TMEM196: variants seen among roughly 807,000 people sequenced by gnomAD.
TMEM196 encodes transmembrane protein 196.
Under a neutral mutation model 20.0 loss-of-function variants are expected in TMEM196, and 17 were observed. That is an observed-to-expected ratio of 0.85 (90% confidence interval 0.58 to 1.27). TMEM196 has a LOEUF of 1.27. Among genes scored for constraint, TMEM196 ranks in the 50% most tolerant of loss-of-function variants. The pLI is 0.00. For synonymous variants in TMEM196, 113 were observed against 88.9 expected (o/e 1.27, Z -1.52); for missense variants, 267 against 223.0 (o/e 1.20, Z -1.26).
chr7:19,732,062 G>T (rs1208514161), intron 1 of TMEM196, among the ~76,000 whole-genome samples: 1 of 152,118 alleles, frequency 6.6e-6, no homozygotes, highest in African/African-American at 2.4e-5. Flanking sequence ...GGCCCCCAAA[G>T]TAGTAAATTG....
chr7:19,751,303 C>T (rs1784951579), intron 1 of TMEM196, among the ~76,000 whole-genome samples: 1 of 152,206 alleles, frequency 6.6e-6, no homozygotes, highest in Admixed American at 6.5e-5. Context: ...TGCTCCAGGA[C>T]ATTTTTCATT....
At position 19,725,456 on chromosome 7, in the gene TMEM196, G is replaced by C. The variant is rs1162455367; in HGVS notation, c.459+58C>G. The C allele has an allele frequency of 2.6e-6, 4 of 1,538,422 alleles. No homozygotes were observed. In the East Asian group the frequency reaches 6.9e-5, roughly 26 times the overall value. ...CTAAAGTTTCAAGTTGATTCACCCA[G>C]AGTGGACTTCAGTCTTCATCATGTG... On this transcript the variant is annotated intron_variant, in intron 3 of 4. Coordinates refer to ENST00000405844, the MANE Select transcript of TMEM196 (RefSeq NM_001363562.2).
chr7:19,738,392 T>C (rs951293970), intron 1 of TMEM196, among the ~76,000 whole-genome samples: 5 of 152,104 alleles, frequency 3.3e-5, no homozygotes, highest in African/African-American at 1.2e-4. Context: ...ACTATTTATA[T>C]AGATGTCTAT....
chr7:19,742,575 A>G (rs979155274), intron 1 of TMEM196, among the ~76,000 whole-genome samples: 25 of 152,166 alleles, frequency 1.6e-4, no homozygotes, highest in African/African-American at 5.8e-4. Context: ...ATGTGCATCT[A>G]TCCAGTGTCA....
rs1261889701 is a variant in TMEM196 at position 19,720,754 on chromosome 7, G to A, written c.*1374C>T. 6.6e-6 allele frequency: 1 copy of A among 151,748 alleles called. No individual in the cohort carries two copies. Among genetic ancestry groups the A allele is most frequent in the Non-Finnish European group, 1.5e-5 (1 of 67,750 alleles). 9.4% of individuals were successfully genotyped at this position (151,748 alleles called of 1,614,324 possible). On this transcript the variant is annotated 3_prime_UTR_variant, in exon 5 of 5. Coordinates refer to ENST00000405844, the MANE Select transcript of TMEM196 (RefSeq NM_001363562.2). Reference sequence around the variant, plus strand: ...CTTTTTCCTCAAAGAATTCTTTCAGGATCTTTGGATATAGGCTTTCTTATA... The same window carrying A: ...CTTTTTCCTCAAAGAATTCTTTCAGAATCTTTGGATATAGGCTTTCTTATA...
intron 1 of TMEM196, among the ~76,000 whole-genome samples, chr7:19,757,138 A>G (rs962892783): frequency 6.6e-6 from 1 of 151,010 alleles, no homozygotes; most frequent in Non-Finnish European, 1.5e-5. Flanking sequence ...CTATAGTGTA[A>G]TATCCCCAAA....
chr7:19,724,280 C>T lies in TMEM196; in HGVS notation c.533G>A (p.Arg178Lys). Residue 178 changes from arginine (R) to lysine (K), a missense_variant and splice_region_variant, in exon 4 of 5, where the codon AGG becomes AAG. Physicochemically the swap from Arg to Lys is conservative, Grantham distance 26. Coordinates refer to ENST00000405844, the MANE Select transcript of TMEM196 (RefSeq NM_001363562.2). ...GGTAACTCCCTAGAAATCAGCGTAC[C>T]TTGTAGGTAACTCTGGTGTCGGGGG... ...VVPPTPELPT[R>K]K 1.9e-6 allele frequency: 3 copies of T among 1,550,318 alleles called. No homozygotes were observed. Among genetic ancestry groups the T allele is most frequent in the Non-Finnish European group, 2.6e-6 (3 of 1,146,840 alleles).
At chr7:19,752,137 G>T (rs1051205798) in intron 1 of TMEM196, among the ~76,000 whole-genome samples, 1 of 152,192 alleles carries the variant, frequency 6.6e-6, no homozygotes, top group African/African-American at 2.4e-5. Flanking sequence ...TAAGATGTTG[G>T]TCATCATAAA....
chr7:19,750,270 A>G (rs1183176891), intron 1 of TMEM196, among the ~76,000 whole-genome samples: 1 of 152,220 alleles, frequency 6.6e-6, no homozygotes, highest in Non-Finnish European at 1.5e-5. Context: ...AGTGATGGAT[A>G]TCTTACTTAG....
At chr7:19,758,338 C>A (rs1460107492) in intron 1 of TMEM196, among the ~76,000 whole-genome samples, 1 of 152,112 alleles carries the variant, frequency 6.6e-6, no homozygotes, top group African/African-American at 2.4e-5. Context: ...CAGGTAGAAA[C>A]CTCTGAAATC....
At position 19,773,150 on chromosome 7, in the gene TMEM196, T is replaced by G. The variant is rs1277268203; in HGVS notation, c.-454A>C. On this transcript the variant is annotated 5_prime_UTR_variant, in exon 1 of 5. Coordinates refer to ENST00000405844, the MANE Select transcript of TMEM196 (RefSeq NM_001363562.2). ...CTGTTTTATTGCCGAGGAGAGGAGC[T>G]TTGCTTCCCGGAGATCCAAAGGGAA... 6.5e-6 allele frequency: 1 copy of G among 154,082 alleles called. No individual in the cohort carries two copies. Among genetic ancestry groups the G allele is most frequent in the Non-Finnish European group, 1.4e-5 (1 of 69,420 alleles). 9.5% of individuals were successfully genotyped at this position (154,082 alleles called of 1,614,324 possible).
intron 1 of TMEM196, among the ~76,000 whole-genome samples, chr7:19,767,935 A>G (rs1391144835): frequency 1.3e-5 from 2 of 152,080 alleles, no homozygotes; most frequent in African/African-American, 4.8e-5. Flanking sequence ...TATGATTTAT[A>G]TACAGCATCT....
Position 19,721,999 on chromosome 7 carries a change from G to T in TMEM196, c.*129C>A. 1 of 1,279,718 alleles carries T rather than the reference G, an allele frequency of 7.8e-7. No individual in the cohort carries two copies. The highest frequency in any genetic ancestry group is 1.3e-5 in the South Asian group (1 of 77,692). 79.3% of individuals were successfully genotyped at this position (1,279,718 alleles called of 1,614,324 possible). On this transcript the variant is annotated 3_prime_UTR_variant, in exon 5 of 5. Transcript: ENST00000405844. ...AGAGATAAATGCAAATGCAAAAACTGTTTTATTTTCTAGTCCTTTGGTGTC... is the reference window on the plus strand; with the variant it reads ...AGAGATAAATGCAAATGCAAAAACTTTTTTATTTTCTAGTCCTTTGGTGTC...
At chr7:19,727,113 G>A (rs964838865) in intron 2 of TMEM196, among the ~76,000 whole-genome samples, 4 of 152,228 alleles carry the variant, frequency 2.6e-5, no homozygotes, top group South Asian at 4.2e-4. Context: ...ATTGACGGTT[G>A]AGTTTAGCCT....
chr7:19,772,728 G>C lies in TMEM196; in HGVS notation c.-32C>G, dbSNP rs1455813451. ...TCGGTCATCTTCCTTCCAGATCAGAGAGGGAAATCAACCATCTACCTTTTT... is the reference window on the plus strand; with the variant it reads ...TCGGTCATCTTCCTTCCAGATCAGACAGGGAAATCAACCATCTACCTTTTT... On this transcript the variant is annotated 5_prime_UTR_variant, in exon 1 of 5. Coordinates refer to ENST00000405844, the MANE Select transcript of TMEM196 (RefSeq NM_001363562.2). The C allele has an allele frequency of 6.9e-7, 1 of 1,454,176 alleles. No individual in the cohort carries two copies. The highest frequency in any genetic ancestry group is 1.4e-5 in the African/African-American group (1 of 69,680). The allele number at this position is 1,454,176 out of a possible 1,614,324, so 90.1% of individuals were successfully genotyped here. A position where few individuals can be genotyped will look rare whatever the true frequency, so the allele number is the denominator to read the frequency against.
intron 1 of TMEM196, among the ~76,000 whole-genome samples, chr7:19,743,121 C>A (rs969038551): frequency 1.3e-5 from 2 of 152,094 alleles, no homozygotes; most frequent in African/African-American, 4.8e-5. Flanking sequence ...CTCATTTCCC[C>A]CATCAAAGAA....
chr7:19,743,227 T>C (rs1583435930), intron 1 of TMEM196, among the ~76,000 whole-genome samples: 2 of 152,254 alleles, frequency 1.3e-5, no homozygotes, highest in East Asian at 1.9e-4. Flanking sequence ...ACTACCTGGA[T>C]TGAAGGGAAG....
intron 1 of TMEM196, among the ~76,000 whole-genome samples, chr7:19,742,229 A>G (rs1346647785): frequency 6.6e-6 from 1 of 152,168 alleles, no homozygotes; most frequent in Non-Finnish European, 1.5e-5. Flanking sequence ...TTAACCCATC[A>G]GGTACTATAC....
Position 19,751,263 on chromosome 7 carries a change from G to C in TMEM196, c.147+21287C>G, listed in dbSNP as rs141579989. 2.3e-3 allele frequency among the ~76,000 whole-genome samples: 351 copies of C among 152,328 alleles called. 1 individual carries two copies. The highest frequency in any genetic ancestry group is 8.0e-3 in the African/African-American group (333 of 41,566). On this transcript the variant is annotated intron_variant, in intron 1 of 4. Transcript: ENST00000405844. ...AATGGCTTTTCACGTTGAGCTGCTA[G>C]TTTCTGAAGCACTAGTGGAACCGTA...
Sources: allele counts gnomAD v4.1 joint callset (sites outside exome capture counted in the v4.1 genomes callset), GRCh38; gene constraint gnomAD v4.1.1; transcripts MANE v1.5; gene names NCBI Gene and HGNC (gene_info 2026-07-23, HGNC 2026-07-21).